Variants in SYT14 observed in about 807,000 individuals in gnomAD.
SYT14 encodes synaptotagmin 14.
Under a neutral mutation model 74.2 loss-of-function variants are expected in SYT14, and 32 were observed. That is an observed-to-expected ratio of 0.43 (90% CI 0.33 to 0.58). SYT14 has a LOEUF of 0.58. Ranked by LOEUF, SYT14 falls within the 20% of genes least tolerant of loss-of-function variation. The pLI is 0.05. For synonymous variants in SYT14, 298 were observed against 337.7 expected, an observed-to-expected ratio of 0.88 and a Z score of 1.29; for missense variants, 791 against 981.8, an observed-to-expected ratio of 0.81 and a Z score of 2.60.
At position 209,975,323 on chromosome 1, in the gene SYT14, G is replaced by A. The variant is rs547036526; in HGVS notation, c.-486+22567G>A. Among the ~76,000 whole-genome samples the A allele has an allele frequency of 2.1e-4, 32 of 152,296 alleles. No individual in the cohort carries two copies. In the South Asian group the frequency reaches 6.4e-3, roughly 31 times the overall value. ...AATGCTTCCAGTTTTTGCCCATTCA[G>A]TATGATACTGGCTGTGGGTTTATCA... On this transcript the variant is annotated intron_variant, in intron 2 of 9. Coordinates refer to ENST00000637265, the Ensembl canonical transcript of SYT14.
At position 210,150,121 on chromosome 1, in the gene SYT14, A is replaced by G. The variant is rs186148051; in HGVS notation, c.2035-5600A>G. On this transcript the variant is annotated intron_variant, in intron 7 of 9. Transcript: ENST00000637265. ...CAGGATTTGGGTTTGAGCAAGTAGG[A>G]TGCTGTCTTCCTCTTTCCCATGACA... Among the ~76,000 whole-genome samples, 13 of 152,272 alleles carry G rather than the reference A, an allele frequency of 8.5e-5. No homozygotes were observed. In the East Asian group the frequency reaches 2.5e-3, roughly 29 times the overall value.
At chr1:210,141,378 G>T (rs1423341903) in intron 7 of SYT14, among the ~76,000 whole-genome samples, 1 of 151,854 alleles carries the variant, frequency 6.6e-6, no homozygotes, top group Non-Finnish European at 1.5e-5. Flanking sequence ...TTCATATATT[G>T]ATCACAAATC....
intron 5 of SYT14, among the ~76,000 whole-genome samples, chr1:210,030,301 C>G (rs145435813): frequency 1.1e-3 from 164 of 152,032 alleles, no homozygotes; most frequent in African/African-American, 3.7e-3. Flanking sequence ...GCCACCATGC[C>G]CATGCCCATG....
At chr1:210,046,350 G>C (rs1034650116) in intron 5 of SYT14, among the ~76,000 whole-genome samples, 1 of 152,042 alleles carries the variant, frequency 6.6e-6, no homozygotes, top group Non-Finnish European at 1.5e-5. Flanking sequence ...CTTCAACCTG[G>C]GTGACAAAAC....
intron 7 of SYT14, among the ~76,000 whole-genome samples, chr1:210,152,759 C>T (rs1388661148): frequency 6.6e-6 from 1 of 152,150 alleles, no homozygotes; most frequent in Non-Finnish European, 1.5e-5. Flanking sequence ...ACAATTTTTA[C>T]TTTATGTGAA....
intron 2 of SYT14, among the ~76,000 whole-genome samples, chr1:210,011,311 C>G (rs1572154537): frequency 3.3e-5 from 5 of 152,184 alleles, no homozygotes; most frequent in Admixed American, 3.3e-4. Context: ...TTGATACATA[C>G]CACTGTTTTA....
intron 5 of SYT14, among the ~76,000 whole-genome samples, chr1:210,065,482 G>C (rs2081279289): frequency 6.6e-6 from 1 of 151,854 alleles, no homozygotes; most frequent in South Asian, 2.1e-4. Flanking sequence ...CCCCAGCTGT[G>C]CTGAACTGTG....
exon 4 of SYT14, chr1:210,016,968 A>G: frequency 8.1e-7 from 1 of 1,231,870 alleles, no homozygotes; most frequent in Non-Finnish European, 1.0e-6. Context: ...AAAATTGAAG[A>G]ACAAATAAAT....
intron 2 of SYT14, among the ~76,000 whole-genome samples, chr1:209,973,121 G>T (rs1053185848): frequency 6.0e-5 from 9 of 150,480 alleles, no homozygotes; most frequent in Middle Eastern, 6.9e-3. Context: ...TTTTATTGTT[G>T]TTGGTTTAAA....
chr1:210,067,086 G>A (rs988880809), intron 5 of SYT14, among the ~76,000 whole-genome samples: 1 of 151,892 alleles, frequency 6.6e-6, no homozygotes, highest in South Asian at 2.1e-4. Context: ...AATGGCCTTG[G>A]CACCCTTATC....
At chr1:210,008,648 C>T (rs888229297) in intron 2 of SYT14, among the ~76,000 whole-genome samples, 35 of 152,318 alleles carry the variant, frequency 2.3e-4, no homozygotes, top group African/African-American at 7.9e-4. Context: ...CAGGCGTGAG[C>T]CACCACACCT....
At chr1:210,077,533 A>AGT (rs777066066) in intron 5 of SYT14, among the ~76,000 whole-genome samples, 21 of 152,192 alleles carry the variant, frequency 1.4e-4, no homozygotes, top group Non-Finnish European at 2.2e-4. Flanking sequence ...CTACTATATG[A>AGT]GTAATGCTGA....
intron 5 of SYT14, among the ~76,000 whole-genome samples, chr1:210,064,154 T>C (rs1247750657): frequency 1.3e-5 from 2 of 152,060 alleles, no homozygotes; most frequent in East Asian, 3.8e-4. Context: ...AATCATAATA[T>C]ATGCCTTTTT....
intron 2 of SYT14, among the ~76,000 whole-genome samples, chr1:209,963,926 G>A (rs906790049): frequency 6.6e-6 from 1 of 152,160 alleles, no homozygotes; most frequent in Non-Finnish European, 1.5e-5. Context: ...TAACTGATCA[G>A]CCAGCTATAC....
In SYT14 at chr1:209,940,991, C is replaced by T. The variant is rs185055612; in HGVS notation, c.-534+2714C>T. Among the ~76,000 whole-genome samples, 59 of 152,224 alleles carry T rather than the reference C, an allele frequency of 3.9e-4. No individual in the cohort carries two copies. The East Asian group carries it at 0.01, about 26-fold the overall frequency. On this transcript the variant is annotated intron_variant, in intron 1 of 9. Coordinates refer to ENST00000637265, the Ensembl canonical transcript of SYT14. ...GAGCGAGGCTGTAATCAACTAAAAC[C>T]ACAGTCTCTTTTAGCTTGACTACTC...
intron 7 of SYT14, among the ~76,000 whole-genome samples, chr1:210,119,149 T>A (rs2082412334): frequency 6.6e-6 from 1 of 152,214 alleles, no homozygotes; most frequent in African/African-American, 2.4e-5. Context: ...GCTTGTAATC[T>A]TTCCTCTGAA....
chr1:210,036,410 G>A (rs1403915906), intron 5 of SYT14, among the ~76,000 whole-genome samples: 2 of 151,960 alleles, frequency 1.3e-5, no homozygotes, highest in Non-Finnish European at 2.9e-5. Flanking sequence ...TTTCCAGTTT[G>A]GATGACCTTT....
chr1:210,106,493 C>T (rs2082160138), intron 7 of SYT14, among the ~76,000 whole-genome samples: 1 of 152,112 alleles, frequency 6.6e-6, no homozygotes, highest in African/African-American at 2.4e-5. Flanking sequence ...TTCCACAGGG[C>T]TGGGGAGGCA....
chr1:209,938,461 G>T (rs1190965461), intron 1 of SYT14, among the ~76,000 whole-genome samples, 184 bp downstream of exon 1: 1 of 151,758 alleles, frequency 6.6e-6, no homozygotes, highest in East Asian at 1.9e-4. Context: ...CCGCTGGGAC[G>T]CCGGGCCCGA....
Sources: gnomAD v4.1 joint callset for allele counts (sites outside exome capture counted in the v4.1 genomes callset) on GRCh38, gnomAD v4.1.1 for gene constraint, MANE v1.5 for transcripts, NCBI Gene and HGNC (gene_info 2026-07-23, HGNC 2026-07-21) for gene names.